CHCHD6: variants seen among roughly 807,000 people sequenced by gnomAD.
The protein encoded by CHCHD6 is MICOS complex subunit MIC25.
CHCHD6 carries 28 observed loss-of-function variants against 32.3 expected under a neutral mutation model. The ratio of observed to expected loss-of-function variants is 0.87; its 90% CI spans 0.64 to 1.19. CHCHD6 has a LOEUF of 1.19. Ranked by LOEUF, CHCHD6 falls within the 50% of genes most tolerant of loss-of-function variation. The probability of loss-of-function intolerance (pLI) is 0.00; values close to 1 mark genes in which losing one functional copy is unlikely to be tolerated. For synonymous variants in CHCHD6, 122 were observed against 117.5 expected, an observed-to-expected ratio of 1.04 and a Z score of -0.25; for missense variants, 333 against 307.0, an observed-to-expected ratio of 1.08 and a Z score of -0.63.
chr3:126,824,335 G>A (rs1940286611), intron 4 of CHCHD6, among the ~76,000 whole-genome samples: 1 of 151,650 alleles, frequency 6.6e-6, no homozygotes, highest in Non-Finnish European at 1.5e-5. Flanking sequence ...GCTGAGGTGT[G>A]CGGATCACCT....
chr3:126,769,454 C>T (rs750915855), intron 4 of CHCHD6, among the ~76,000 whole-genome samples: 5 of 152,114 alleles, frequency 3.3e-5, no homozygotes, highest in Admixed American at 6.6e-5. Flanking sequence ...AACATGATAT[C>T]TCCCGCTTTG....
At chr3:126,705,079 C>T (rs756473513) in intron 1 of CHCHD6, among the ~76,000 whole-genome samples, 15 of 152,220 alleles carry the variant, frequency 9.9e-5, no homozygotes, top group Non-Finnish European at 1.8e-4. Context: ...TGGCTCAGCT[C>T]AGGGTCTGTG....
At chr3:126,927,956 A>G (rs922430343) in intron 6 of CHCHD6, among the ~76,000 whole-genome samples, 2 of 152,250 alleles carry the variant, frequency 1.3e-5, no homozygotes, top group African/African-American at 2.4e-5. Flanking sequence ...TCCGCAAGGC[A>G]GAGCTGACGC....
intron 4 of CHCHD6, among the ~76,000 whole-genome samples, chr3:126,831,406 C>A (rs1275489723): frequency 4.6e-5 from 7 of 152,194 alleles, no homozygotes; most frequent in Admixed American, 1.3e-4. Flanking sequence ...GGCAAGCTTG[C>A]CTCTTCTGCC....
chr3:126,925,107 T>C (rs1027691388), intron 6 of CHCHD6, among the ~76,000 whole-genome samples: 2 of 152,174 alleles, frequency 1.3e-5, no homozygotes, highest in African/African-American at 4.8e-5. Flanking sequence ...CTGGAGTAAA[T>C]GAAACTTAGG....
chr3:126,756,228 A>C (rs1228477660), intron 4 of CHCHD6, among the ~76,000 whole-genome samples: 6 of 152,130 alleles, frequency 3.9e-5, no homozygotes, highest in African/African-American at 1.4e-4. Flanking sequence ...GAAGGTAGAG[A>C]GAGGAAATAG....
At chr3:126,762,020 T>C (rs1002380264) in intron 4 of CHCHD6, among the ~76,000 whole-genome samples, 1 of 152,172 alleles carries the variant, frequency 6.6e-6, no homozygotes, top group Non-Finnish European at 1.5e-5. Context: ...TTATTTTAGG[T>C]ATTTGTATTT....
rs146460241 is a variant in CHCHD6 at position 126,950,074 on chromosome 3, G to A, written c.567-7342G>A. On this transcript the variant is annotated intron_variant, in intron 6 of 7. Transcript: ENST00000290913. ...GGGAAGGAAGACTGCACAGAGGCTT[G>A]CCATGGGTGTGAAGGGAAGTCTCCA... Among the ~76,000 whole-genome samples the A allele has an allele frequency of 2.3e-3, 353 of 152,166 alleles. 1 individual carries two copies. The highest frequency in any genetic ancestry group is 6.8e-3 in the Middle Eastern group (2 of 292).
In CHCHD6 at chr3:126,849,200, C is replaced by T. The variant is rs1431678876; in HGVS notation, c.412-3447C>T. ...TTAGGGAGATCCCTAGGCTGCAGGT[C>T]GCCAGCCTGGCTTCAGGCCCCCGCT... On this transcript the variant is annotated intron_variant, in intron 4 of 7. Transcript: ENST00000290913. 2.6e-5 allele frequency among the ~76,000 whole-genome samples: 4 copies of T among 152,230 alleles called. 1 individual carries two copies. Among genetic ancestry groups the T allele is most frequent in the South Asian group, 4.1e-4 (2 of 4,836 alleles).
At chr3:126,852,564 G>A in intron 4 of CHCHD6, 83 bp from the exon 5 acceptor site, 1 of 929,268 alleles carries the variant, frequency 1.1e-6, no homozygotes, top group Non-Finnish European at 1.8e-6. Context: ...AATGTGAGCA[G>A]AAATGTCCGT....
intron 4 of CHCHD6, among the ~76,000 whole-genome samples, chr3:126,851,853 G>C (rs1941486381): frequency 6.6e-6 from 1 of 152,208 alleles, no homozygotes; most frequent in Admixed American, 6.5e-5. Context: ...TACACATCAT[G>C]CCTGAGGAAG....
At chr3:126,757,407 G>A (rs1214159370) in intron 4 of CHCHD6, among the ~76,000 whole-genome samples, 5 of 152,124 alleles carry the variant, frequency 3.3e-5, no homozygotes, top group Non-Finnish European at 5.9e-5. Flanking sequence ...GGTGGTGGTG[G>A]GGCAGGGGGG....
At chr3:126,804,242 A>G (rs964330317) in intron 4 of CHCHD6, among the ~76,000 whole-genome samples, 2 of 152,246 alleles carry the variant, frequency 1.3e-5, no homozygotes, top group African/African-American at 2.4e-5. Context: ...ATAGAGACAA[A>G]AAAACCCTTC....
chr3:126,930,614 G>T (rs1305692854), intron 6 of CHCHD6, among the ~76,000 whole-genome samples: 2 of 152,194 alleles, frequency 1.3e-5, no homozygotes, highest in Non-Finnish European at 2.9e-5. Flanking sequence ...GTCAAATCCT[G>T]GCTGTGCCTC....
intron 4 of CHCHD6, among the ~76,000 whole-genome samples, chr3:126,765,211 T>A (rs2107674207): frequency 6.6e-6 from 1 of 152,274 alleles, no homozygotes; most frequent in Admixed American, 6.5e-5. Context: ...TCTATTCTCA[T>A]CTCCCCCATA....
At chr3:126,757,529 G>A (rs574705273) in intron 4 of CHCHD6, among the ~76,000 whole-genome samples, 2 of 152,138 alleles carry the variant, frequency 1.3e-5, no homozygotes, top group East Asian at 1.9e-4. Flanking sequence ...ACAGACTTCC[G>A]CAGCAAGCTC....
At chr3:126,938,039 A>T (rs1185330138) in intron 6 of CHCHD6, among the ~76,000 whole-genome samples, 1 of 152,244 alleles carries the variant, frequency 6.6e-6, no homozygotes, top group African/African-American at 2.4e-5. Context: ...TGCTGTGCAG[A>T]CAGCTAGCAG....
At chr3:126,906,203 C>T (rs1207828610) in intron 5 of CHCHD6, among the ~76,000 whole-genome samples, 2 of 152,250 alleles carry the variant, frequency 1.3e-5, no homozygotes, top group Non-Finnish European at 2.9e-5. Flanking sequence ...TCATTCTGAA[C>T]TGCCACTAGT....
At chr3:126,883,432 C>G (rs1469556636) in intron 5 of CHCHD6, among the ~76,000 whole-genome samples, 6 of 152,228 alleles carry the variant, frequency 3.9e-5, no homozygotes, top group Non-Finnish European at 5.9e-5. Context: ...GGACACCCAG[C>G]TGGTGTCTGC....
Sources: gnomAD v4.1 joint callset for allele counts (sites outside exome capture counted in the v4.1 genomes callset) on GRCh38, gnomAD v4.1.1 for gene constraint, MANE v1.5 for transcripts, NCBI Gene and HGNC (gene_info 2026-07-23, HGNC 2026-07-21) for gene names.